Variants in SLC30A8 observed in about 807,000 individuals in gnomAD.
The protein encoded by SLC30A8 is proton-coupled zinc antiporter SLC30A8.
In SLC30A8, 27 loss-of-function variants were observed where a neutral mutation model predicts 36.9. That is an observed-to-expected ratio of 0.73 (90% CI 0.54 to 1.01). The LOEUF is 1.01. Among genes scored for constraint, SLC30A8 ranks in the 50% least tolerant of loss-of-function variants. SLC30A8 has a pLI of 0.00. For synonymous variants in SLC30A8, 164 were observed against 172.4 expected, an observed-to-expected ratio of 0.95 and a Z score of 0.38; for missense variants, 439 against 452.0, an observed-to-expected ratio of 0.97 and a Z score of 0.26.
chr8:116,974,393 T>A (rs1033525456), intron 1 of SLC30A8, among the ~76,000 whole-genome samples: 39 of 152,196 alleles, frequency 2.6e-4, no homozygotes, highest in African/African-American at 9.4e-4. Flanking sequence ...AACAGACACT[T>A]CTCAAAAGAA....
intron 2 of SLC30A8, among the ~76,000 whole-genome samples, chr8:117,086,238 A>C (rs1409192521): frequency 2.0e-5 from 3 of 152,156 alleles, no homozygotes; most frequent in Admixed American, 6.5e-5. Context: ...CAAGAGGCTT[A>C]ACCCTGTTGA....
intron 2 of SLC30A8, among the ~76,000 whole-genome samples, chr8:117,084,334 C>A (rs572715710): frequency 6.6e-6 from 1 of 152,210 alleles, no homozygotes; most frequent in South Asian, 2.1e-4. Context: ...ACCATGTTCC[C>A]CAAGTTTTGT....
At chr8:116,966,594 C>T (rs1234175540) in intron 1 of SLC30A8, among the ~76,000 whole-genome samples, 1 of 152,136 alleles carries the variant, frequency 6.6e-6, no homozygotes, top group Non-Finnish European at 1.5e-5. Flanking sequence ...CAAGCAGCCT[C>T]GCACACTGTC....
chr8:117,171,317 C>T, intron 7 of SLC30A8, 149 bp downstream of exon 7: 1 of 834,674 alleles, frequency 1.2e-6, no homozygotes, highest in Non-Finnish European at 1.9e-6. Context: ...CCTTTGAAAC[C>T]AGCCCACTTA....
chr8:117,083,047 C>A (rs1818727468), intron 2 of SLC30A8, among the ~76,000 whole-genome samples: 1 of 152,290 alleles, frequency 6.6e-6, no homozygotes, highest in South Asian at 2.1e-4. Flanking sequence ...TCCGGAGGGA[C>A]ATCTCTTCTC....
At chr8:117,079,166 C>T (rs1385992886) in intron 2 of SLC30A8, among the ~76,000 whole-genome samples, 1 of 152,032 alleles carries the variant, frequency 6.6e-6, no homozygotes. Context: ...TGCGGGCCAC[C>T]ATGCCTGGCT....
intron 1 of SLC30A8, among the ~76,000 whole-genome samples, chr8:116,971,014 G>T (rs1370381094): frequency 6.6e-6 from 1 of 152,146 alleles, no homozygotes; most frequent in African/African-American, 2.4e-5. Flanking sequence ...AGAATAGCAT[G>T]GACCCAGCAG....
chr8:116,976,242 CT>C (rs78495363), intron 1 of SLC30A8, among the ~76,000 whole-genome samples: 480 of 117,926 alleles, frequency 4.1e-3, no homozygotes, highest in Admixed American at 4.9e-3. Context: ...AGTTCTCTCT[CT>C]TTTTTTTTTT....
intron 1 of SLC30A8, among the ~76,000 whole-genome samples, chr8:117,141,001 ATAAG>A (rs1220979765): frequency 1.3e-5 from 2 of 152,106 alleles, no homozygotes; most frequent in African/African-American, 4.8e-5. Context: ...AGAAAATCTG[ATAAG>A]TAAAGATATT....
At chr8:117,006,955 G>GTTTTTTTTTTTT (rs869111415) in intron 1 of SLC30A8, 4 of 38,124 alleles carry the variant, frequency 1.0e-4, no homozygotes, top group African/African-American at 2.2e-4. Context: ...GCTAATTCTT[G>GTTTTTTTTTTTT]TTTTTTTTTT....
chr8:117,020,484 A>C (rs1381000738), intron 1 of SLC30A8, among the ~76,000 whole-genome samples: 1 of 152,186 alleles, frequency 6.6e-6, no homozygotes, highest in Non-Finnish European at 1.5e-5. Context: ...ATTAAAGTTA[A>C]ACATATACAT....
At chr8:117,149,771 C>G (rs1822082782) in intron 2 of SLC30A8, among the ~76,000 whole-genome samples, 1 of 152,190 alleles carries the variant, frequency 6.6e-6, no homozygotes, top group Non-Finnish European at 1.5e-5. Context: ...TGATGATCAT[C>G]TACCTTACAC....
rs1048304464 is a variant in SLC30A8 at position 117,004,865 on chromosome 8, A to G, written c.-265-34354A>G. 3.3e-5 allele frequency among the ~76,000 whole-genome samples: 5 copies of G among 152,072 alleles called. No homozygotes were observed. The East Asian group carries it at 5.8e-4, about 18-fold the overall frequency. On this transcript the variant is annotated intron_variant, in intron 1 of 10. Coordinates refer to the SLC30A8 transcript ENST00000427715. ...TTTCGATGCACGTTTGACTCTAGCAACTTGTTTATAAATAAGAGCATTTTT... is the reference window on the plus strand; with the variant it reads ...TTTCGATGCACGTTTGACTCTAGCAGCTTGTTTATAAATAAGAGCATTTTT...
chr8:117,171,731 G>T (rs1212838403), intron 7 of SLC30A8, among the ~76,000 whole-genome samples: 1 of 152,124 alleles, frequency 6.6e-6, no homozygotes, highest in African/African-American at 2.4e-5. Context: ...TTTTCAAGAA[G>T]TTAATTTTGT....
chr8:117,083,410 T>A (rs2130814772), intron 2 of SLC30A8, among the ~76,000 whole-genome samples: 1 of 152,272 alleles, frequency 6.6e-6, no homozygotes, highest in East Asian at 1.9e-4. Flanking sequence ...GACTGGTTGA[T>A]AAGGGATAAT....
intron 1 of SLC30A8, among the ~76,000 whole-genome samples, chr8:116,992,025 T>A (rs957971534): frequency 6.6e-6 from 1 of 152,214 alleles, no homozygotes; most frequent in Non-Finnish European, 1.5e-5. Flanking sequence ...TGGCGAATAC[T>A]TCTGGCTTTT....
At chr8:117,129,800 C>T (rs1187177830) in intron 2 of SLC30A8, 1 of 151,844 alleles carries the variant, frequency 6.6e-6, no homozygotes, top group Admixed American at 6.6e-5. Flanking sequence ...GGAATATTAT[C>T]CTAGGTATAT....
intron 1 of SLC30A8, among the ~76,000 whole-genome samples, chr8:117,001,204 C>CTTTTTTTTTTTTTTTTTTT (rs34639384): frequency 1.3e-5 from 1 of 78,316 alleles, no homozygotes; most frequent in Non-Finnish European, 2.4e-5. Context: ...TTGCTAGGGG[C>CTTTTTTTTTTTTTTTTTTT]TTTTTTTTTT....
intron 2 of SLC30A8, among the ~76,000 whole-genome samples, chr8:117,122,894 G>A (rs1488314052): frequency 2.6e-5 from 4 of 151,852 alleles, no homozygotes; most frequent in African/African-American, 9.7e-5. Context: ...TAAGTCAATT[G>A]CTTCCCAAAT....
Sources: gnomAD v4.1 joint callset for allele counts (sites outside exome capture counted in the v4.1 genomes callset) on GRCh38, gnomAD v4.1.1 for gene constraint, MANE v1.5 for transcripts, NCBI Gene and HGNC (gene_info 2026-07-23, HGNC 2026-07-21) for gene names.